The following AGO3 variants were observed in gnomAD, a reference collection of about 807,000 sequenced individuals.
AGO3 encodes the protein protein argonaute-3.
Under a neutral mutation model 105.5 loss-of-function variants are expected in AGO3, and 16 were observed. That is an observed-to-expected ratio of 0.15 (90% CI 0.10 to 0.23). The LOEUF is 0.23. Among genes scored for constraint, AGO3 ranks in the 10% least tolerant of loss-of-function variants. The probability of loss-of-function intolerance (pLI) is 1.00; values close to 1 mark genes in which losing one functional copy is unlikely to be tolerated. For missense variants in AGO3, 534 were observed against 1,088.0 expected (o/e 0.49, Z 7.16); for synonymous variants, 340 against 367.3 (o/e 0.93, Z 0.85).
chr1:35,964,655 C>T (rs1646740871), intron 2 of AGO3, among the ~76,000 whole-genome samples: 1 of 152,094 alleles, frequency 6.6e-6, no homozygotes, highest in South Asian at 2.1e-4. Context: ...AATGGGATTG[C>T]TGGGTTAAAT....
At chr1:35,963,025 G>A (rs532348453) in intron 2 of AGO3, among the ~76,000 whole-genome samples, 12 of 152,258 alleles carry the variant, frequency 7.9e-5, no homozygotes, top group African/African-American at 2.9e-4. Flanking sequence ...CTGGACGCAG[G>A]GAAATAGGAG....
At chr1:35,954,001 T>A (rs1306007034) in intron 2 of AGO3, among the ~76,000 whole-genome samples, 1 of 152,196 alleles carries the variant, frequency 6.6e-6, no homozygotes, top group African/African-American at 2.4e-5. Context: ...ATGTCTAACT[T>A]ATTTTTTCTT....
chr1:35,974,573 G>T (rs1646923862), intron 5 of AGO3, among the ~76,000 whole-genome samples: 1 of 152,094 alleles, frequency 6.6e-6, no homozygotes, highest in African/African-American at 2.4e-5. Context: ...AGGAAACACA[G>T]TATCTAGTGG....
chr1:36,018,486 A>T (rs567008005), intron 11 of AGO3, among the ~76,000 whole-genome samples: 1 of 151,658 alleles, frequency 6.6e-6, no homozygotes, highest in East Asian at 2.0e-4. Flanking sequence ...TTGCTCTGTC[A>T]CCAGGCTGTG....
Position 36,064,439 on chromosome 1 carries a change from G to A in AGO3, c.*8694G>A, listed in dbSNP as rs1445055148. 1 of 152,060 alleles carries A rather than the reference G, an allele frequency of 6.6e-6. No individual in the cohort carries two copies. Among genetic ancestry groups the A allele is most frequent in the Non-Finnish European group, 1.5e-5 (1 of 67,986 alleles). 9.4% of individuals were successfully genotyped at this position (152,060 alleles called of 1,614,324 possible). ...GAAAAAAGTATATTCCCTTAAGCAG[G>A]TAAAATACTTGCATTGTATTTTTAC... is the stretch of plus-strand genomic sequence containing the variant. On this transcript the variant is annotated 3_prime_UTR_variant, in exon 19 of 19. Coordinates refer to ENST00000373191, the MANE Select transcript of AGO3 (RefSeq NM_024852.4).
chr1:36,041,808 T>G (rs1196828073), intron 16 of AGO3, among the ~76,000 whole-genome samples: 1 of 152,198 alleles, frequency 6.6e-6, no homozygotes, highest in Non-Finnish European at 1.5e-5. Flanking sequence ...ATAATATTAA[T>G]ATCTACCTTA....
At chr1:36,053,941 G>A (rs978757464) in intron 17 of AGO3, among the ~76,000 whole-genome samples, 2 of 151,294 alleles carry the variant, frequency 1.3e-5, no homozygotes, top group African/African-American at 2.4e-5. Context: ...TAGAGATGGG[G>A]TTTCACCATA....
At chr1:35,950,603 T>G (rs1298054161) in intron 2 of AGO3, among the ~76,000 whole-genome samples, 1 of 152,188 alleles carries the variant, frequency 6.6e-6, no homozygotes, top group Non-Finnish European at 1.5e-5. Flanking sequence ...CCCTATTAAA[T>G]GATTTTGATT....
intron 17 of AGO3, among the ~76,000 whole-genome samples, chr1:36,048,533 T>G (rs1642569968): frequency 6.6e-6 from 1 of 152,082 alleles, no homozygotes. Flanking sequence ...TCAAACCTTG[T>G]TGCTCTACAG....
chr1:35,950,950 ATTT>A (rs1646460077), intron 2 of AGO3, among the ~76,000 whole-genome samples: 1 of 152,142 alleles, frequency 6.6e-6, no homozygotes, highest in Non-Finnish European at 1.5e-5. Flanking sequence ...TTGTGGTTGC[ATTT>A]TTATTTTATT....
chr1:35,995,208 AAATATATAT>A (rs987913396), intron 5 of AGO3, among the ~76,000 whole-genome samples: 1 of 120,046 alleles, frequency 8.3e-6, no homozygotes, highest in Non-Finnish European at 1.6e-5. Flanking sequence ...CTAAAAAAAA[AAATATATAT>A]ATATATATAT....
At chr1:35,937,343 C>T (rs1646168427) in intron 1 of AGO3, among the ~76,000 whole-genome samples, 1 of 149,960 alleles carries the variant, frequency 6.7e-6, no homozygotes, top group Non-Finnish European at 1.5e-5. Context: ...GTGGACATTG[C>T]AGTGAGTTGA....
intron 1 of AGO3, among the ~76,000 whole-genome samples, chr1:35,938,367 A>G (rs1333607096): frequency 6.6e-6 from 1 of 152,186 alleles, no homozygotes; most frequent in African/African-American, 2.4e-5. Flanking sequence ...AATGTCTCAA[A>G]TAGAAGATGA....
At chr1:36,004,045 C>CA (rs1640231844) in intron 5 of AGO3, 2 of 232,116 alleles carry the variant, frequency 8.6e-6, no homozygotes, top group Admixed American at 1.1e-4. Flanking sequence ...CACGGGGCTC[C>CA]AGCCTTCTTT....
chr1:36,004,431 C>A lies in AGO3; in HGVS notation c.749C>A (p.Pro250His). 1 of 1,606,496 alleles carries A rather than the reference C, an allele frequency of 6.2e-7. No individual in the cohort carries two copies. The highest frequency in any genetic ancestry group is 8.5e-7 in the Non-Finnish European group (1 of 1,175,138). Reference sequence around the variant, plus strand: ...CATAATATTGATGAGCAACCAAGACCTCTGACTGATTCTCATCGGGTAAAA... The same window carrying A: ...CATAATATTGATGAGCAACCAAGACATCTGACTGATTCTCATCGGGTAAAA... ...DIHNIDEQPR[P>H]LTDSHRVKFT... Residue 250 changes from proline (P) to histidine (H), a missense_variant, in exon 6 of 19, where the codon CCT becomes CAT. Coordinates refer to ENST00000373191, the MANE Select transcript of AGO3 (RefSeq NM_024852.4).
At chr1:35,939,768 A>G (rs1646218704) in intron 1 of AGO3, among the ~76,000 whole-genome samples, 1 of 152,134 alleles carries the variant, frequency 6.6e-6, no homozygotes, top group African/African-American at 2.4e-5. Context: ...ACTATAGAGA[A>G]TTTAGGATGT....
intron 3 of AGO3, 48 bp downstream of exon 3, chr1:35,967,123 C>A (rs1195141283): frequency 6.4e-7 from 1 of 1,571,304 alleles, no homozygotes; most frequent in Admixed American, 2.0e-5. Context: ...TGAAGTGTCT[C>A]CTTTTACACG....
At chr1:35,939,387 T>C (rs1421999143) in intron 1 of AGO3, among the ~76,000 whole-genome samples, 1 of 152,132 alleles carries the variant, frequency 6.6e-6, no homozygotes, top group Non-Finnish European at 1.5e-5. Flanking sequence ...AAATTGACAG[T>C]ATGATATAGT....
rs561537777 is a variant in AGO3, at chr1:35,963,673, A to C, written c.192-3282A>C. Among the ~76,000 whole-genome samples, 4 of 149,098 alleles carry C rather than the reference A, an allele frequency of 2.7e-5. No homozygotes were observed. The East Asian group carries it at 7.8e-4, about 29-fold the overall frequency. On this transcript the variant is annotated intron_variant, in intron 2 of 18. Transcript: ENST00000373191. ...CAGTGAATGTAAATTGGGTTGGAGT[A>C]AAAAAAAAACTATGAACATAAAAAA...
Sources: gnomAD v4.1 joint callset for allele counts (sites outside exome capture counted in the v4.1 genomes callset) on GRCh38, gnomAD v4.1.1 for gene constraint, MANE v1.5 for transcripts, NCBI Gene and HGNC (gene_info 2026-07-23, HGNC 2026-07-21) for gene names.